PITPNA: variants seen among roughly 807,000 people sequenced by gnomAD.
PITPNA encodes phosphatidylinositol transfer protein alpha isoform.
Under a neutral mutation model 50.3 loss-of-function variants are expected in PITPNA, and 13 were observed. That is an observed-to-expected ratio of 0.26 (90% CI 0.17 to 0.41). The LOEUF (loss-of-function observed/expected upper bound fraction) is 0.41, where lower values mean the gene tolerates loss of function less well. Among genes scored for constraint, PITPNA ranks in the 10% least tolerant of loss-of-function variants. The pLI is 1.00. For synonymous variants in PITPNA, 120 were observed against 119.6 expected, an observed-to-expected ratio of 1.00 and a Z score of -0.02; for missense variants, 207 against 333.4, an observed-to-expected ratio of 0.62 and a Z score of 2.95.
At chr17:1,531,402 C>A (rs1160852480) in intron 10 of PITPNA, among the ~76,000 whole-genome samples, 4 of 152,014 alleles carry the variant, frequency 2.6e-5, no homozygotes, top group Non-Finnish European at 5.9e-5. Flanking sequence ...TACAAGCGGG[C>A]GCCTGTAGTC....
intron 3 of PITPNA, among the ~76,000 whole-genome samples, chr17:1,551,146 A>C (rs1040731603): frequency 1.3e-5 from 2 of 151,718 alleles, no homozygotes; most frequent in African/African-American, 2.4e-5. Flanking sequence ...TGATGCGATA[A>C]GAAGGGCGAG....
chr17:1,519,162 A>G lies in PITPNA; in HGVS notation c.*1399T>C. On this transcript the variant is annotated 3_prime_UTR_variant, in exon 12 of 12. Coordinates refer to ENST00000313486, the MANE Select transcript of PITPNA (RefSeq NM_006224.4). ...TGACAAAAACAGGATACATTCTCCC[A>G]CCCACTTCTTGCTTCCCGGACAAAG... 6.6e-6 allele frequency: 1 copy of G among 152,654 alleles called. No individual in the cohort carries two copies. 9.5% of individuals were successfully genotyped at this position (152,654 alleles called of 1,614,324 possible). A position where few individuals can be genotyped will look rare whatever the true frequency, so the allele number is the denominator to read the frequency against.
At chr17:1,546,540 CAAAG>C (rs2048648911) in intron 4 of PITPNA, among the ~76,000 whole-genome samples, 4 of 152,140 alleles carry the variant, frequency 2.6e-5, no homozygotes, top group Admixed American at 2.6e-4. Flanking sequence ...CAGGTGCCAA[CAAAG>C]AAAGCAAGTG....
rs554978682 is a variant in PITPNA at position 1,562,268 on chromosome 17, C to T, written c.20+273G>A. On this transcript the variant is annotated intron_variant, in intron 1 of 11. Transcript: ENST00000313486. The surrounding 1 kb of genome is among the most constrained non-coding windows in gnomAD (Gnocchi z 6.4). ...ATGCCCCGGCTGCCCGTCCATGCCC[C>T]GTGGGCCCCGGCTCAGATGCCGAAC... Among the ~76,000 whole-genome samples the T allele has an allele frequency of 1.4e-3, 209 of 151,844 alleles. 1 individual carries two copies. The highest frequency in any genetic ancestry group is 4.9e-3 in the African/African-American group (203 of 41,462).
At position 1,535,764 on chromosome 17, in the gene PITPNA, T is replaced by C. The variant is rs542129897; in HGVS notation, c.457-246A>G. 9.5e-6 allele frequency: 5 copies of C among 523,592 alleles called. No homozygotes were observed. In the East Asian group the frequency reaches 1.7e-4, roughly 18 times the overall value. The allele number at this position is 523,592 out of a possible 1,614,324, so 32.4% of individuals were successfully genotyped here. ...CCAGTGTGAAAGTATCACCAGACTG[T>C]CTGAGCAGGCACATATTTACCGTGT... is the stretch of plus-strand genomic sequence containing the variant. On this transcript the variant is annotated intron_variant, in intron 7 of 11. Transcript: ENST00000313486.
intron 10 of PITPNA, among the ~76,000 whole-genome samples, chr17:1,523,993 A>G (rs2075530406): frequency 6.7e-6 from 1 of 149,354 alleles, no homozygotes. Context: ...TAATTGTATG[A>G]CCTTGAGTAA....
At chr17:1,548,275 C>A in intron 4 of PITPNA, 21 bp downstream of exon 4, 2 of 1,545,466 alleles carry the variant, frequency 1.3e-6, no homozygotes, top group Non-Finnish European at 1.8e-6. Context: ...GCCTGGCCGA[C>A]GTGGCCCCGG....
intron 10 of PITPNA, among the ~76,000 whole-genome samples, chr17:1,533,526 G>C (rs1598405914): frequency 6.6e-6 from 1 of 152,156 alleles, no homozygotes; most frequent in African/African-American, 2.4e-5. Flanking sequence ...GCCTCTCAAG[G>C]AAGCATCAGC....
chr17:1,540,037 G>A (rs1028973942), intron 6 of PITPNA, among the ~76,000 whole-genome samples: 1 of 152,198 alleles, frequency 6.6e-6, no homozygotes, highest in East Asian at 1.9e-4. Context: ...GACTGAGAAC[G>A]AATGCTCTGA....
intron 1 of PITPNA, chr17:1,559,741 T>C (rs2075758913): frequency 2.0e-6 from 2 of 983,970 alleles, no homozygotes; most frequent in African/African-American, 3.5e-5. Flanking sequence ...CAGAGGGGTC[T>C]GAGGAAAACA....
chr17:1,558,920 G>A (rs1025117264), intron 1 of PITPNA, among the ~76,000 whole-genome samples: 1 of 151,832 alleles, frequency 6.6e-6, no homozygotes, highest in African/African-American at 2.4e-5. Flanking sequence ...CCTCACATTC[G>A]GAACTGGACA....
At chr17:1,528,046 G>A (rs1281526941) in intron 10 of PITPNA, among the ~76,000 whole-genome samples, 1 of 152,232 alleles carries the variant, frequency 6.6e-6, no homozygotes, top group East Asian at 1.9e-4. Context: ...TAAAAATTAG[G>A]TAGGCGTGGT....
At chr17:1,544,908 G>A (rs1010266407) in intron 4 of PITPNA, among the ~76,000 whole-genome samples, 10 of 152,178 alleles carry the variant, frequency 6.6e-5, no homozygotes, top group African/African-American at 2.4e-4. Flanking sequence ...CAGGAGAATT[G>A]CTTAAACCTA....
At chr17:1,557,036 G>A (rs1256982394) in intron 2 of PITPNA, among the ~76,000 whole-genome samples, 1 of 152,144 alleles carries the variant, frequency 6.6e-6, no homozygotes, top group Admixed American at 6.5e-5. Flanking sequence ...CAGGCACCTG[G>A]TTCTCAGGCC....
chr17:1,557,741 A>G (rs1023383862), intron 2 of PITPNA, among the ~76,000 whole-genome samples: 2 of 152,216 alleles, frequency 1.3e-5, no homozygotes, highest in African/African-American at 4.8e-5. Context: ...GGACAAGCCA[A>G]GCCTATGTGT....
Position 1,553,138 on chromosome 17 carries a change from C to A in PITPNA, c.63G>T (p.Gly21=), listed in dbSNP as rs1386931343. The A allele has an allele frequency of 9.3e-6, 15 of 1,613,820 alleles. No homozygotes were observed. The highest frequency in any genetic ancestry group is 1.2e-5 in the Non-Finnish European group (14 of 1,179,868). ...TGGCCTCAGCCACAGAATACAGCTG[C>A]CCCACTTGATACTAAAGGACAGAGA... ...LPVSVDEYQV[G]QLYSVAEASK... is the part of the protein sequence containing the mutation. Residue 21 remains glycine (G), a synonymous_variant, in exon 3 of 12, where the codon GGG becomes GGT. Transcript: ENST00000313486.
In PITPNA at chr17:1,534,216, C is replaced by G; in HGVS notation, c.651G>C (p.Glu217Asp). Residue 217 changes from glutamate (E) to aspartate (D), a missense_variant, in exon 10 of 12, where the codon GAG becomes GAC. By Grantham distance (45) the Glu-to-Asp change is conservative. Coordinates refer to ENST00000313486, the MANE Select transcript of PITPNA (RefSeq NM_006224.4). ...NKVENFIHKQERRLFTNFHRQ... is the reference protein window; with the variant it reads ...NKVENFIHKQDRRLFTNFHRQ... ...TGTGGAAGTTTGTAAACAGACGCCT[C>G]TCTTGCTATAGAAAGGAGGGAACCA... 6.2e-7 allele frequency: 1 copy of G among 1,613,862 alleles called. No homozygotes were observed. Among genetic ancestry groups the G allele is most frequent in the Non-Finnish European group, 8.5e-7 (1 of 1,179,840 alleles).
intron 1 of PITPNA, chr17:1,559,597 T>G (rs2075758055): frequency 5.9e-6 from 1 of 169,482 alleles, no homozygotes. Flanking sequence ...CTTGCATGTT[T>G]AGTGAAGCAT....
rs1349309807 is a variant in PITPNA at position 1,562,764 on chromosome 17, C to T, written c.-204G>A. The T allele has an allele frequency of 6.0e-6, 1 of 165,648 alleles. No homozygotes were observed. The highest frequency in any genetic ancestry group is 1.9e-4 in the East Asian group (1 of 5,372). 10.3% of individuals were successfully genotyped at this position (165,648 alleles called of 1,614,324 possible). ...GCCTCTCGCGCCGCTGCCGACGCCG[C>T]CCGGAGCTCCGGTTCCGCAGCGCCG... is the stretch of plus-strand genomic sequence containing the variant. On this transcript the variant is annotated 5_prime_UTR_variant, in exon 1 of 12. Transcript: ENST00000313486. This position sits in a 1 kb window ranked among gnomAD's most constrained non-coding sequence, Gnocchi z 6.4.
Sources: gnomAD v4.1 joint callset for allele counts (sites outside exome capture counted in the v4.1 genomes callset) on GRCh38, gnomAD v4.1.1 for gene constraint, Gnocchi (gnomAD v3.1) non-coding constraint, MANE v1.5 for transcripts, NCBI Gene and HGNC (gene_info 2026-07-23, HGNC 2026-07-21) for gene names.